The following TTLL11 variants were observed in gnomAD, a reference collection of about 807,000 sequenced individuals.
TTLL11 encodes tubulin tyrosine ligase like 11, also known as tubulin polyglutamylase TTLL11.
Under a neutral mutation model 51.7 loss-of-function variants are expected in TTLL11, and 42 were observed. The observed-to-expected ratio is 0.81, with a 90% CI of 0.64 to 1.05. The LOEUF (loss-of-function observed/expected upper bound fraction) is 1.05, where lower values mean the gene tolerates loss of function less well. TTLL11 is among the 50% of genes least tolerant of loss of function. TTLL11 has a pLI of 0.00. For missense variants in TTLL11, 799 were observed against 940.4 expected (o/e 0.85, Z 1.97); for synonymous variants, 381 against 383.5 (o/e 0.99, Z 0.08).
intron 3 of TTLL11, among the ~76,000 whole-genome samples, chr9:122,017,201 G>A (rs1030573742): frequency 1.3e-5 from 2 of 152,148 alleles, no homozygotes; most frequent in Admixed American, 1.3e-4. Flanking sequence ...ACACACCTCT[G>A]AGACCTCACT....
At chr9:122,053,627 C>T (rs929619587) in intron 1 of TTLL11, among the ~76,000 whole-genome samples, 1 of 152,118 alleles carries the variant, frequency 6.6e-6, no homozygotes, top group East Asian at 1.9e-4. Flanking sequence ...CTGACCTAGG[C>T]TGGGAGAAAG....
intron 6 of TTLL11, among the ~76,000 whole-genome samples, chr9:121,915,032 G>A (rs1437184105): frequency 6.6e-6 from 1 of 152,106 alleles, no homozygotes; most frequent in African/African-American, 2.4e-5. Flanking sequence ...ATTTCATCTC[G>A]ATTTCCTCTG....
At chr9:122,059,583 C>G (rs1845386223) in intron 1 of TTLL11, among the ~76,000 whole-genome samples, 1 of 152,158 alleles carries the variant, frequency 6.6e-6, no homozygotes, top group African/African-American at 2.4e-5. Flanking sequence ...GACATGTACA[C>G]ATGTGCACTT....
At position 122,067,738 on chromosome 9, in the gene TTLL11, C is replaced by T. The variant is rs987933516; in HGVS notation, c.462+24949G>A. Among the ~76,000 whole-genome samples the T allele has an allele frequency of 2.0e-5, 3 of 152,086 alleles. No individual in the cohort carries two copies. The East Asian group carries it at 5.8e-4, about 29-fold the overall frequency. ...GGCTGGTCTTGAACTCCTGACCTCA[C>T]GTGATCCACCCACCTCTGCCTCCCA... On this transcript the variant is annotated intron_variant, in intron 1 of 8. Transcript: ENST00000321582.
intron 1 of TTLL11, among the ~76,000 whole-genome samples, chr9:122,067,264 C>G (rs1161728772): frequency 6.6e-6 from 1 of 152,212 alleles, no homozygotes; most frequent in Non-Finnish European, 1.5e-5. Context: ...CTCCCTAACA[C>G]AGAAAAGTCC....
chr9:122,000,089 T>A (rs1843413571), intron 3 of TTLL11, among the ~76,000 whole-genome samples: 1 of 152,182 alleles, frequency 6.6e-6, no homozygotes, highest in Admixed American at 6.5e-5. Flanking sequence ...AGAATGAGGC[T>A]AAAACCTACT....
intron 6 of TTLL11, among the ~76,000 whole-genome samples, chr9:121,886,129 G>C (rs1201558821): frequency 6.6e-6 from 1 of 152,196 alleles, no homozygotes; most frequent in Non-Finnish European, 1.5e-5. Context: ...CCTGATCAAA[G>C]CTCCATAGAG....
intron 6 of TTLL11, among the ~76,000 whole-genome samples, chr9:121,953,307 G>A (rs1013962585): frequency 3.3e-5 from 5 of 152,038 alleles, no homozygotes; most frequent in Admixed American, 1.3e-4. Context: ...ATATAAGGTG[G>A]GTCAAATGCC....
chr9:121,845,009 T>C (rs10217644), intron 8 of TTLL11, among the ~76,000 whole-genome samples: 101,941 of 151,914 alleles, frequency 0.67, 34,616 homozygotes, highest in East Asian at 0.79. Context: ...ACCACAGATC[T>C]AGAAAGCTCA....
intron 6 of TTLL11, among the ~76,000 whole-genome samples, chr9:121,936,963 T>C (rs1159543652): frequency 6.6e-6 from 1 of 152,242 alleles, no homozygotes; most frequent in African/African-American, 2.4e-5. Flanking sequence ...GTCTTTGACA[T>C]CATTTCAAAT....
chr9:121,834,849 G>C (rs116827460), intron 8 of TTLL11, among the ~76,000 whole-genome samples: 1,972 of 151,656 alleles, frequency 0.013, 50 homozygotes, highest in African/African-American at 0.045. Flanking sequence ...AAAAAATAGT[G>C]GCACAAGTGC....
chr9:121,909,602 T>G (rs1013845052), intron 6 of TTLL11, among the ~76,000 whole-genome samples: 2 of 152,192 alleles, frequency 1.3e-5, no homozygotes, highest in South Asian at 4.1e-4. Context: ...CCAGGGTCCA[T>G]GGCAAATGAG....
At position 121,989,085 on chromosome 9, in the gene TTLL11, G is replaced by GT; in HGVS notation, c.1269+109dup. 1 of 1,534,856 alleles carries GT rather than the reference G, an allele frequency of 6.5e-7. No homozygotes were observed. The highest frequency in any genetic ancestry group is 1.3e-5 in the South Asian group (1 of 77,726). Reference sequence around the variant, plus strand: ...CCAAGCCCACAGCACCACCAACACTGTCCCCTCCTCTGGCCATCCCACCCC... The same window carrying GT: ...CCAAGCCCACAGCACCACCAACACTGTTCCCCTCCTCTGGCCATCCCACCCC... On this transcript the variant is annotated intron_variant, in intron 4 of 8. Transcript: ENST00000321582. The surrounding 1 kb of genome is among the most constrained non-coding windows in gnomAD (Gnocchi z 4.2).
In TTLL11 at chr9:121,989,707, C is replaced by G; in HGVS notation, c.757G>C (p.Gly253Arg). 1 of 1,613,356 alleles carries G rather than the reference C, an allele frequency of 6.2e-7. No individual in the cohort carries two copies. Among genetic ancestry groups the G allele is most frequent in the South Asian group, 1.1e-5 (1 of 91,038 alleles). Residue 253 changes from glycine to arginine, a missense_variant, in exon 4 of 9, where the codon GGT (glycine) becomes CGT (arginine). Around this residue, in one of 3 missense-constraint regions of TTLL11, gnomAD observed 468 missense variants for 612.8 expected, o/e 0.76. Transcript: ENST00000321582. This position sits in a 1 kb window ranked among gnomAD's most constrained non-coding sequence, Gnocchi z 4.2. Reference protein sequence around the residue: ...KPTFIVKPDGGCQGDGIYLIK... With the variant: ...KPTFIVKPDGRCQGDGIYLIK... ...AGGTAGATTCCATCACCCTGACAAC[C>G]ACCATCAGGTTTCACGATAAAAGTG...
At chr9:121,950,619 C>T (rs72765927) in intron 6 of TTLL11, among the ~76,000 whole-genome samples, 147 of 152,148 alleles carry the variant, frequency 9.7e-4, no homozygotes, top group Non-Finnish European at 1.5e-3. Flanking sequence ...GAGAGCTCAC[C>T]GGGCAAGGGA....
intron 4 of TTLL11, among the ~76,000 whole-genome samples, chr9:121,979,088 A>G (rs1842776101): frequency 6.6e-6 from 1 of 152,290 alleles, no homozygotes; most frequent in African/African-American, 2.4e-5. Context: ...CGTGGCTTCT[A>G]TCTTGGGGGG....
At chr9:122,083,012 C>T (rs1026689839) in intron 1 of TTLL11, among the ~76,000 whole-genome samples, 2 of 151,724 alleles carry the variant, frequency 1.3e-5, no homozygotes, top group South Asian at 2.1e-4. Context: ...CCAACCTGGG[C>T]GACAGAGCAA....
chr9:121,949,297 T>C (rs1205715747), intron 6 of TTLL11, among the ~76,000 whole-genome samples: 2 of 152,140 alleles, frequency 1.3e-5, no homozygotes, highest in African/African-American at 2.4e-5. Context: ...CAGGGCTGAT[T>C]TGGGGAGGAA....
chr9:122,001,221 G>A (rs747310638), intron 3 of TTLL11, among the ~76,000 whole-genome samples: 1 of 152,012 alleles, frequency 6.6e-6, no homozygotes, highest in Non-Finnish European at 1.5e-5. Context: ...TCAGGCTCCC[G>A]AGTAGCTGGG....
Sources: allele counts gnomAD v4.1 joint callset (sites outside exome capture counted in the v4.1 genomes callset), GRCh38; gene constraint gnomAD v4.1.1; regional missense constraint gnomAD v4.1.1; non-coding constraint Gnocchi (gnomAD v3.1); transcripts MANE v1.5; gene names NCBI Gene and HGNC (gene_info 2026-07-23, HGNC 2026-07-21).